DBX2: variants seen among roughly 807,000 people sequenced by gnomAD.
DBX2 encodes homeobox protein DBX2.
Under a neutral mutation model 17.7 loss-of-function variants are expected in DBX2, and 16 were observed. The observed-to-expected ratio is 0.90, with a 90% CI of 0.61 to 1.37. The LOEUF (loss-of-function observed/expected upper bound fraction) is 1.37. Among genes scored for constraint, DBX2 ranks in the 40% most tolerant of loss-of-function variants. DBX2 has a pLI of 0.00. For synonymous variants in DBX2, 255 were observed against 183.8 expected, an observed-to-expected ratio of 1.39 and a Z score of -3.13; for missense variants, 538 against 433.8, an observed-to-expected ratio of 1.24 and a Z score of -2.13.
chr12:45,049,553 T>G (rs1194468995), intron 1 of DBX2, among the ~76,000 whole-genome samples: 1 of 152,064 alleles, frequency 6.6e-6, no homozygotes, highest in Non-Finnish European at 1.5e-5. Flanking sequence ...ATAAATTTGA[T>G]CCGGCAGTTT....
chr12:45,051,000 C>T lies in DBX2; in HGVS notation c.-73G>A. On this transcript the variant is annotated 5_prime_UTR_variant, in exon 1 of 4. Transcript: ENST00000332700. ...TCGCCCGGGCGCCCCGCACCGCACC[C>T]AGAGCCGCAGCTTCTCGCCGCCGCC... The T allele has an allele frequency of 7.6e-7, 1 of 1,318,816 alleles. No homozygotes were observed. 81.7% of individuals were successfully genotyped at this position (1,318,816 alleles called of 1,614,324 possible).
chr12:45,016,282 C>G lies in DBX2; in HGVS notation c.*4G>C. 6.5e-7 allele frequency: 1 copy of G among 1,545,960 alleles called. No homozygotes were observed. The highest frequency in any genetic ancestry group is 8.7e-7 in the Non-Finnish European group (1 of 1,150,508). ...TTTAAATGAACACGGAGGAATGCTT[C>G]CATTCAGACAGCCCCAGTAAGTACA... On this transcript the variant is annotated 3_prime_UTR_variant, in exon 4 of 4. Coordinates refer to ENST00000332700, the MANE Select transcript of DBX2 (RefSeq NM_001004329.3).
intron 1 of DBX2, among the ~76,000 whole-genome samples, chr12:45,040,065 C>A (rs1283105452): frequency 6.6e-6 from 1 of 152,058 alleles, no homozygotes; most frequent in African/African-American, 2.4e-5. Flanking sequence ...GGTGTGTCTG[C>A]AAGGGTGTTG....
At chr12:45,023,596 G>A in intron 3 of DBX2, 111 bp downstream of exon 3, 2 of 1,238,944 alleles carry the variant, frequency 1.6e-6, no homozygotes. Context: ...TCCATTGTGT[G>A]CCTTAAGAAA....
intron 2 of DBX2, among the ~76,000 whole-genome samples, chr12:45,033,150 T>C (rs1043161853): frequency 6.6e-6 from 1 of 152,158 alleles, no homozygotes; most frequent in Non-Finnish European, 1.5e-5. Flanking sequence ...GTCGTAAATC[T>C]AAGAAGTTAA....
intron 1 of DBX2, among the ~76,000 whole-genome samples, chr12:45,047,806 C>T (rs989041181): frequency 2.0e-5 from 3 of 152,096 alleles, no homozygotes; most frequent in African/African-American, 7.2e-5. Context: ...TTTTCTCTAT[C>T]ACAAGTTCAT....
chr12:45,047,708 T>A lies in DBX2; in HGVS notation c.403+2817A>T, dbSNP rs146344055. Among the ~76,000 whole-genome samples, 426 of 152,308 alleles carry A rather than the reference T, an allele frequency of 2.8e-3. 1 individual carries two copies. Among genetic ancestry groups the A allele is most frequent in the African/African-American group, 9.7e-3 (403 of 41,582 alleles). ...TCTGATTTATTATTGTGATACTATG[T>A]AATTGGTGATCCAATTGGCCCTCAT... On this transcript the variant is annotated intron_variant, in intron 1 of 3. Coordinates refer to ENST00000332700, the MANE Select transcript of DBX2 (RefSeq NM_001004329.3).
At chr12:45,039,027 C>A (rs1946455028) in intron 1 of DBX2, among the ~76,000 whole-genome samples, 1 of 151,850 alleles carries the variant, frequency 6.6e-6, no homozygotes, top group African/African-American at 2.4e-5. Flanking sequence ...CAATTTTTCA[C>A]CATTTTAAAT....
chr12:45,016,854 G>A (rs999503133), intron 3 of DBX2, among the ~76,000 whole-genome samples: 2 of 151,980 alleles, frequency 1.3e-5, no homozygotes, highest in African/African-American at 4.8e-5. Flanking sequence ...TGCAATCTCA[G>A]CTCACTGCAA....
intron 2 of DBX2, among the ~76,000 whole-genome samples, chr12:45,024,149 A>G (rs1946368288): frequency 6.6e-6 from 1 of 152,074 alleles, no homozygotes; most frequent in Non-Finnish European, 1.5e-5. Flanking sequence ...TGCTGTTCTC[A>G]TGAAAGTGAA....
chr12:45,043,156 C>T (rs989578009), intron 1 of DBX2, among the ~76,000 whole-genome samples: 1 of 152,140 alleles, frequency 6.6e-6, no homozygotes, highest in Admixed American at 6.6e-5. Context: ...TATTGGTTAT[C>T]TTGATTTCAC....
At chr12:45,029,879 A>AAAATAAAAAAATAAAT (rs1555141814) in intron 2 of DBX2, among the ~76,000 whole-genome samples, 14 of 143,238 alleles carry the variant, frequency 9.8e-5, no homozygotes, top group African/African-American at 3.6e-4. Context: ...AAAAATAATA[A>AAAATAAAAAAATAAAT]AAATAAATAA....
rs904181861 is a variant in DBX2, at chr12:45,016,343, T to C, written c.963A>G (p.Leu321=). Residue 321 remains leucine (L), a synonymous_variant, in exon 4 of 4, where the codon TTA becomes TTG. Transcript: ENST00000332700. ...PPEANSLQGA[L]YLCSEEEAGS... is the part of the protein sequence containing the mutation. ...CAGCTTCTTCTTCAGAACATAAATATAAGGCACCTTGCAGTGAATTTGCTT... is the reference window on the plus strand; with the variant it reads ...CAGCTTCTTCTTCAGAACATAAATACAAGGCACCTTGCAGTGAATTTGCTT... The C allele has an allele frequency of 6.2e-7, 1 of 1,610,314 alleles. No homozygotes were observed. Among genetic ancestry groups the C allele is most frequent in the Non-Finnish European group, 8.5e-7 (1 of 1,178,590 alleles).
chr12:45,027,403 T>C (rs1946387065), intron 2 of DBX2, among the ~76,000 whole-genome samples: 1 of 152,250 alleles, frequency 6.6e-6, no homozygotes, highest in East Asian at 1.9e-4. Context: ...TTAGTGGCTC[T>C]TTCCTCTGCA....
intron 2 of DBX2, among the ~76,000 whole-genome samples, chr12:45,028,482 T>A (rs1238864701): frequency 6.6e-6 from 1 of 151,310 alleles, no homozygotes; most frequent in Non-Finnish European, 1.5e-5. Context: ...AAGATCTACA[T>A]GTTAAAATAA....
At chr12:45,023,627 C>T in intron 3 of DBX2, 80 bp downstream of exon 3, 15 of 1,545,186 alleles carry the variant, frequency 9.7e-6, no homozygotes, top group Non-Finnish European at 1.3e-5. Flanking sequence ...TTGCCTACGG[C>T]CCACCACCCT....
intron 3 of DBX2, among the ~76,000 whole-genome samples, chr12:45,020,122 G>A (rs1310237911): frequency 6.6e-6 from 1 of 151,976 alleles, no homozygotes; most frequent in Non-Finnish European, 1.5e-5. Context: ...CACAGATAAT[G>A]CAACCATCAC....
chr12:45,047,816 T>C (rs990536491), intron 1 of DBX2, among the ~76,000 whole-genome samples: 1 of 152,164 alleles, frequency 6.6e-6, no homozygotes, highest in East Asian at 1.9e-4. Context: ...CACAAGTTCA[T>C]ATATGATTAA....
In DBX2 at chr12:45,050,630, C is replaced by T. The variant is rs1432461840; in HGVS notation, c.298G>A (p.Gly100Arg). Residue 100 changes from glycine (G) to arginine (R), a missense_variant, in exon 1 of 4, where the codon GGA becomes AGA. Coordinates refer to ENST00000332700, the MANE Select transcript of DBX2 (RefSeq NM_001004329.3). The part of the protein sequence containing the change: ...EQVSPAGAPY[G>R]TRWAFQVLSP... The stretch of plus-strand genomic sequence containing the variant: ...AGCACTTGAAAAGCCCACCGCGTTC[C>T]GTAGGGCGCCCCGGCGGGGCTAACT... The T allele has an allele frequency of 5.2e-6, 8 of 1,550,104 alleles. No individual in the cohort carries two copies. The highest frequency in any genetic ancestry group is 7.0e-6 in the Non-Finnish European group (8 of 1,147,038).
Sources: gnomAD v4.1 joint callset for allele counts (sites outside exome capture counted in the v4.1 genomes callset) on GRCh38, gnomAD v4.1.1 for gene constraint, MANE v1.5 for transcripts, NCBI Gene and HGNC (gene_info 2026-07-23, HGNC 2026-07-21) for gene names.